NOS1AP: variants seen among roughly 807,000 people sequenced by gnomAD.
NOS1AP encodes carboxyl-terminal PDZ ligand of neuronal nitric oxide synthase protein.
A neutral mutation model predicts 56.2 loss-of-function variants in NOS1AP; 21 were observed. The observed-to-expected ratio is 0.37, with a 90% CI of 0.26 to 0.54. The LOEUF is 0.54. Among genes scored for constraint, NOS1AP ranks in the 20% least tolerant of loss-of-function variants. The probability of loss-of-function intolerance (pLI) is 0.84; values close to 1 mark genes in which losing one functional copy is unlikely to be tolerated. For missense variants in NOS1AP, 522 were observed against 657.8 expected (o/e 0.79, Z 2.26); for synonymous variants, 270 against 274.6 (o/e 0.98, Z 0.17).
intron 6 of NOS1AP, among the ~76,000 whole-genome samples, chr1:162,350,534 G>T (rs1010090694): frequency 2.0e-5 from 3 of 152,226 alleles, no homozygotes; most frequent in African/African-American, 7.2e-5. Flanking sequence ...TCTGGAGAGG[G>T]TTTCCTGGGT....
intron 8 of NOS1AP, chr1:162,363,238 A>G (rs910997687): frequency 1.3e-5 from 2 of 152,592 alleles, no homozygotes; most frequent in African/African-American, 4.8e-5. Flanking sequence ...CCTTGGACTC[A>G]ACTGATTTGC....
intron 2 of NOS1AP, among the ~76,000 whole-genome samples, chr1:162,190,460 T>A (rs2102154644): frequency 6.6e-6 from 1 of 152,330 alleles, no homozygotes; most frequent in Non-Finnish European, 1.5e-5. Context: ...CACATTTTTT[T>A]AAACAATCTG....
At chr1:162,153,167 C>A (rs1558124666) in intron 1 of NOS1AP, among the ~76,000 whole-genome samples, 1 of 152,212 alleles carries the variant, frequency 6.6e-6, no homozygotes, top group Non-Finnish European at 1.5e-5. Flanking sequence ...CTCAGTCCAT[C>A]ACCTGGGCTA....
At position 162,173,999 on chromosome 1, in the gene NOS1AP, G is replaced by A. The variant is rs533392437; in HGVS notation, c.177+19523G>A. On this transcript the variant is annotated intron_variant, in intron 2 of 9. Coordinates refer to ENST00000361897, the MANE Select transcript of NOS1AP (RefSeq NM_014697.3). Reference sequence around the variant, plus strand: ...GTTCAACCATTGTGGAAATCAGTGTGGTGATTCCTCAGGGATCTAGAACTA... The same window carrying A: ...GTTCAACCATTGTGGAAATCAGTGTAGTGATTCCTCAGGGATCTAGAACTA... 1.4e-3 allele frequency among the ~76,000 whole-genome samples: 213 copies of A among 152,268 alleles called. 1 individual carries two copies. The highest frequency in any genetic ancestry group is 4.6e-3 in the African/African-American group (193 of 41,520).
intron 1 of NOS1AP, among the ~76,000 whole-genome samples, chr1:162,135,521 G>C (rs1339773225): frequency 1.3e-5 from 2 of 152,152 alleles, no homozygotes; most frequent in Non-Finnish European, 1.5e-5. Flanking sequence ...TCTGTCTGCA[G>C]AACTGGCATT....
intron 1 of NOS1AP, among the ~76,000 whole-genome samples, chr1:162,148,409 T>C (rs1649573066): frequency 6.6e-6 from 1 of 152,204 alleles, no homozygotes; most frequent in Admixed American, 6.5e-5. Flanking sequence ...TCTCTAAGGG[T>C]ATCTCACCTA....
intron 1 of NOS1AP, among the ~76,000 whole-genome samples, chr1:162,153,752 C>G (rs968517133): frequency 6.6e-6 from 1 of 152,212 alleles, no homozygotes; most frequent in South Asian, 2.1e-4. Flanking sequence ...TCAACTGTTA[C>G]AGTGGGGACT....
At chr1:162,199,638 G>C (rs1651925214) in intron 2 of NOS1AP, among the ~76,000 whole-genome samples, 1 of 115,956 alleles carries the variant, frequency 8.6e-6, no homozygotes, top group East Asian at 2.4e-4. Flanking sequence ...GTGTGTGTGT[G>C]TGTCTGTGTG....
intron 1 of NOS1AP, among the ~76,000 whole-genome samples, chr1:162,130,661 A>G (rs1414644426): frequency 6.6e-6 from 1 of 152,212 alleles, no homozygotes; most frequent in Non-Finnish European, 1.5e-5. Flanking sequence ...TTTATAGAGA[A>G]GAATGAGACC....
chr1:162,076,490 G>A (rs894547233), intron 1 of NOS1AP, among the ~76,000 whole-genome samples: 2 of 152,114 alleles, frequency 1.3e-5, no homozygotes, highest in African/African-American at 4.8e-5. Flanking sequence ...AATTTAAAAT[G>A]TATAATTTAG....
chr1:162,070,094 A>G lies in NOS1AP; in HGVS notation c.-84A>G. 4.4e-6 allele frequency: 5 copies of G among 1,130,360 alleles called. No individual in the cohort carries two copies. The highest frequency in any genetic ancestry group is 5.1e-5 in the East Asian group (2 of 39,374). The allele number at this position is 1,130,360 out of a possible 1,614,324, so 70.0% of individuals were successfully genotyped here. A position where few individuals can be genotyped will look rare whatever the true frequency, so the allele number is the denominator to read the frequency against. ...GGCCCCGCCACGCGTCGCCGCGCCC[A>G]GCTCCAGTCTCCCCTCCCCGGGGTC... On this transcript the variant is annotated 5_prime_UTR_variant, in exon 1 of 10. Transcript: ENST00000361897.
intron 2 of NOS1AP, among the ~76,000 whole-genome samples, chr1:162,252,482 A>G (rs1463696207): frequency 2.0e-5 from 3 of 152,222 alleles, no homozygotes; most frequent in Non-Finnish European, 2.9e-5. Flanking sequence ...GGGAGGTAGT[A>G]TGAAGCATGC....
At chr1:162,320,670 A>G (rs983413523) in intron 4 of NOS1AP, among the ~76,000 whole-genome samples, 42 of 152,242 alleles carry the variant, frequency 2.8e-4, no homozygotes, top group Admixed American at 1.2e-3. Context: ...CCTGGCCAAC[A>G]TGGTGAAACC....
At chr1:162,217,638 C>T (rs1311393459) in intron 2 of NOS1AP, among the ~76,000 whole-genome samples, 7 of 152,074 alleles carry the variant, frequency 4.6e-5, no homozygotes, top group Non-Finnish European at 1.0e-4. Flanking sequence ...TGGGTGCCAG[C>T]GAGGCAGAGT....
intron 1 of NOS1AP, among the ~76,000 whole-genome samples, chr1:162,084,903 G>A (rs1014730698): frequency 6.6e-6 from 1 of 152,032 alleles, no homozygotes; most frequent in Non-Finnish European, 1.5e-5. Flanking sequence ...GGGCTCAAGT[G>A]ATCCACCTGC....
At chr1:162,142,229 A>C (rs957917204) in intron 1 of NOS1AP, among the ~76,000 whole-genome samples, 1 of 152,238 alleles carries the variant, frequency 6.6e-6, no homozygotes, top group Non-Finnish European at 1.5e-5. Context: ...TATTTTATTT[A>C]ATCTTTACAG....
intron 3 of NOS1AP, among the ~76,000 whole-genome samples, chr1:162,293,387 G>A (rs757125751): frequency 2.6e-5 from 4 of 152,208 alleles, no homozygotes; most frequent in Non-Finnish European, 5.9e-5. Flanking sequence ...TCCTGAGGAA[G>A]GGTTTCAAAG....
At chr1:162,151,209 T>C (rs952036616) in intron 1 of NOS1AP, among the ~76,000 whole-genome samples, 1 of 152,266 alleles carries the variant, frequency 6.6e-6, no homozygotes, top group Admixed American at 6.5e-5. Flanking sequence ...CACCATTTAT[T>C]GAAGAGACTA....
At chr1:162,316,341 G>T (rs1003482195) in intron 4 of NOS1AP, among the ~76,000 whole-genome samples, 1 of 152,216 alleles carries the variant, frequency 6.6e-6, no homozygotes, top group Non-Finnish European at 1.5e-5. Flanking sequence ...GTTCAGCTTT[G>T]CTCAGGAAGA....
Sources: allele counts gnomAD v4.1 joint callset (sites outside exome capture counted in the v4.1 genomes callset), GRCh38; gene constraint gnomAD v4.1.1; transcripts MANE v1.5; gene names NCBI Gene and HGNC (gene_info 2026-07-23, HGNC 2026-07-21).